AZIN1: variants seen among roughly 807,000 people sequenced by gnomAD.
AZIN1 encodes the protein antizyme inhibitor 1.
A neutral mutation model predicts 47.4 loss-of-function variants in AZIN1; 12 were observed. The observed-to-expected ratio is 0.25, with a 90% CI of 0.16 to 0.41. The LOEUF is 0.41. Among genes scored for constraint, AZIN1 ranks in the 10% least tolerant of loss-of-function variants. The pLI, the probability that AZIN1 is intolerant of heterozygous loss-of-function variation, is 1.00. For missense variants in AZIN1, 410 were observed against 532.4 expected (o/e 0.77, Z 2.26); for synonymous variants, 155 against 176.3 (o/e 0.88, Z 0.96).
chr8:102,862,088 G>A (rs545837336), intron 1 of AZIN1, among the ~76,000 whole-genome samples: 1 of 151,826 alleles, frequency 6.6e-6, no homozygotes, highest in South Asian at 2.1e-4. Flanking sequence ...CGATTTGAAA[G>A]GACAAGAAAA....
intron 2 of AZIN1, among the ~76,000 whole-genome samples, chr8:102,854,842 T>C (rs1420668744): frequency 1.3e-5 from 2 of 151,496 alleles, no homozygotes; most frequent in Admixed American, 1.3e-4. Flanking sequence ...GCAAATCAAT[T>C]AACTGAATCC....
At chr8:102,828,913 C>T (rs745846388) in intron 11 of AZIN1, among the ~76,000 whole-genome samples, 10 of 152,224 alleles carry the variant, frequency 6.6e-5, no homozygotes, top group Non-Finnish European at 1.0e-4. Context: ...CACCTCGTTA[C>T]ATCGCAGCAA....
chr8:102,833,179 G>T lies in AZIN1; in HGVS notation c.781C>A (p.Pro261Thr). 6.2e-7 allele frequency: 1 copy of T among 1,613,712 alleles called. No individual in the cohort carries two copies. Among genetic ancestry groups the T allele is most frequent in the East Asian group, 2.2e-5 (1 of 44,860 alleles). Reference sequence around the variant, plus strand: ...ATTATCTTAACACCAGATCCTTCAGGAAAGTAGATATCCAACAGAGGGCTG... The same window carrying T: ...ATTATCTTAACACCAGATCCTTCAGTAAAGTAGATATCCAACAGAGGGCTG... ...VISPLLDIYF[P>T]EGSGVKIISE... The change falls in exon 9 of 12, where the codon CCT becomes ACT. Residue 261 changes from proline to threonine, a missense_variant. Physicochemically the swap from Pro to Thr is conservative, Grantham distance 38. This residue lies in a region of AZIN1 where 237 missense variants were observed against 309.4 expected (regional missense o/e 0.77). Transcript: ENST00000337198.
chr8:102,836,052 C>G (rs1169355148), intron 6 of AZIN1, among the ~76,000 whole-genome samples: 1 of 152,088 alleles, frequency 6.6e-6, no homozygotes, highest in African/African-American at 2.4e-5. Flanking sequence ...GAAGGAGGTA[C>G]AGTCACAAAA....
chr8:102,833,677 G>A (rs1249651837), intron 8 of AZIN1, among the ~76,000 whole-genome samples: 2 of 151,920 alleles, frequency 1.3e-5, no homozygotes, highest in Non-Finnish European at 2.9e-5. Flanking sequence ...GCTGGGGCAG[G>A]AGGATCACTT....
Position 102,839,674 on chromosome 8 carries a change from T to C in AZIN1, c.252A>G (p.Gly84=). ...PAVLEILAAL[G]TGFACSSKNE... is the part of the protein sequence containing the mutation. The stretch of plus-strand genomic sequence containing the variant: ...CTTTACTGGAACAAGCAAATCCGGT[T>C]CCAAGAGCTGCCAAAATCTCAAGTA... The change falls in exon 4 of 12, where the codon GGA becomes GGG. Residue 84 remains glycine, a synonymous_variant. Transcript: ENST00000337198. 6.4e-7 allele frequency: 1 copy of C among 1,574,508 alleles called. No homozygotes were observed. Among genetic ancestry groups the C allele is most frequent in the African/African-American group, 1.4e-5 (1 of 73,754 alleles).
chr8:102,857,373 A>G (rs1586207907), intron 2 of AZIN1, among the ~76,000 whole-genome samples: 1 of 152,230 alleles, frequency 6.6e-6, no homozygotes, highest in Middle Eastern at 3.4e-3. Context: ...TTCCGTAACA[A>G]TAAGTCTATA....
intron 2 of AZIN1, among the ~76,000 whole-genome samples, chr8:102,851,997 GT>G (rs915504985): frequency 1.5e-4 from 23 of 152,212 alleles, no homozygotes; most frequent in African/African-American, 5.3e-4. Flanking sequence ...TCAGTTTCTT[GT>G]TTTTGCCTTT....
At chr8:102,863,464 T>G (rs2131301102) in intron 1 of AZIN1, among the ~76,000 whole-genome samples, 1 of 150,598 alleles carries the variant, frequency 6.6e-6, no homozygotes, top group East Asian at 2.0e-4. Context: ...GGGAGAGGGG[T>G]GGGGGCCGCA....
chr8:102,828,594 T>C lies in AZIN1; in HGVS notation c.1320A>G (p.Gln440=), dbSNP rs1314375174. The C allele has an allele frequency of 1.1e-5, 18 of 1,610,254 alleles. No homozygotes were observed. Among genetic ancestry groups the C allele is most frequent in the Non-Finnish European group, 1.5e-5 (18 of 1,177,086 alleles). ...AAGCTTCAGCGGAAAAGCTGTCTTC[T>C]TGGCTCAGCTGAATGCAAGAAGGCA... ...FFVPSCIQLS[Q]EDSFSAEA Residue 440 remains glutamine, a synonymous_variant, in exon 12 of 12, where the codon CAA becomes CAG. Coordinates refer to ENST00000337198, the MANE Select transcript of AZIN1 (RefSeq NM_148174.4).
chr8:102,861,789 TC>T (rs1191405530), intron 1 of AZIN1, among the ~76,000 whole-genome samples: 2 of 151,436 alleles, frequency 1.3e-5, no homozygotes, highest in Non-Finnish European at 2.9e-5. Context: ...ACGCTTGTAA[TC>T]CCAGCACTCT....
At chr8:102,854,761 A>T (rs1383593920) in intron 2 of AZIN1, among the ~76,000 whole-genome samples, 3 of 151,466 alleles carry the variant, frequency 2.0e-5, no homozygotes, top group African/African-American at 7.3e-5. Context: ...ACATGAATAT[A>T]TAGAGCCGAC....
At chr8:102,841,803 T>TAAA (rs1280642913) in intron 3 of AZIN1, among the ~76,000 whole-genome samples, 60 of 122,964 alleles carry the variant, frequency 4.9e-4, no homozygotes, top group South Asian at 1.8e-3. Context: ...TATATATATA[T>TAAA]ATAAAAAAAA....
intron 2 of AZIN1, among the ~76,000 whole-genome samples, chr8:102,851,241 C>T (rs1812898286): frequency 1.3e-5 from 2 of 152,154 alleles, no homozygotes; most frequent in Non-Finnish European, 2.9e-5. Flanking sequence ...AGTTTTCTAG[C>T]TTTCCTGATT....
chr8:102,833,200 G>A lies in AZIN1; in HGVS notation c.760C>T (p.Pro254Ser). The change falls in exon 9 of 12, where the codon CCT (proline) becomes TCT (serine). Residue 254 changes from proline (P) to serine (S), a missense_variant. Around this residue, in one of 3 missense-constraint regions of AZIN1, gnomAD observed 237 missense variants for 309.4 expected, o/e 0.77. Transcript: ENST00000337198. ...TCAGGAAAGTAGATATCCAACAGAG[G>A]GCTGATAACATGATTAACCTATGGA... ...QLEEVNHVISPLLDIYFPEGS... is the reference protein window; with the variant it reads ...QLEEVNHVISSLLDIYFPEGS... 6.2e-7 allele frequency: 1 copy of A among 1,613,084 alleles called. No individual in the cohort carries two copies. Among genetic ancestry groups the A allele is most frequent in the East Asian group, 2.2e-5 (1 of 44,848 alleles).
At position 102,856,240 on chromosome 8, in the gene AZIN1, C is replaced by A. The variant is rs1022951914; in HGVS notation, c.-96+1773G>T. On this transcript the variant is annotated intron_variant, in intron 2 of 11. Transcript: ENST00000337198. ...AGCAAAGCATCAAATACTAGACATG[C>A]AAAATGAGAAGATTACATGTGAATA... Among the ~76,000 whole-genome samples the A allele has an allele frequency of 6.6e-5, 10 of 151,886 alleles. 1 individual carries two copies. Among genetic ancestry groups the A allele is most frequent in the African/African-American group, 2.4e-4 (10 of 41,354 alleles).
intron 1 of AZIN1, among the ~76,000 whole-genome samples, chr8:102,860,326 G>A (rs1384063537): frequency 1.3e-5 from 2 of 152,116 alleles, no homozygotes; most frequent in Non-Finnish European, 2.9e-5. Flanking sequence ...GCAGTGGCGC[G>A]ATCTTGGCTC....
intron 3 of AZIN1, among the ~76,000 whole-genome samples, chr8:102,841,186 G>A (rs576225349): frequency 1.3e-5 from 2 of 152,324 alleles, no homozygotes; most frequent in South Asian, 4.1e-4. Flanking sequence ...TCACTATAAT[G>A]ACATGTGCAA....
chr8:102,854,841 T>C, intron 2 of AZIN1, among the ~76,000 whole-genome samples: 1 of 151,726 alleles, frequency 6.6e-6, no homozygotes, highest in East Asian at 1.9e-4. Context: ...AGCAAATCAA[T>C]TAACTGAATC....
Sources: allele counts gnomAD v4.1 joint callset (sites outside exome capture counted in the v4.1 genomes callset), GRCh38; gene constraint gnomAD v4.1.1; regional missense constraint gnomAD v4.1.1; transcripts MANE v1.5; gene names NCBI Gene and HGNC (gene_info 2026-07-23, HGNC 2026-07-21).